The following PICALM variants were observed in gnomAD, a reference collection of about 807,000 sequenced individuals.
PICALM encodes the protein phosphatidylinositol binding clathrin assembly protein, also known as phosphatidylinositol-binding clathrin assembly protein.
PICALM carries 40 observed loss-of-function variants against 80.5 expected under a neutral mutation model. The ratio of observed to expected loss-of-function variants is 0.50; its 90% CI spans 0.39 to 0.65. PICALM has a LOEUF of 0.65. Among genes scored for constraint, PICALM ranks in the 30% least tolerant of loss-of-function variants. PICALM has a pLI of 0.00. For missense variants in PICALM, 676 were observed against 778.9 expected (o/e 0.87, Z 1.57); for synonymous variants, 288 against 260.3 (o/e 1.11, Z -1.02).
chr11:86,056,834 A>G (rs2096276966), intron 1 of PICALM, among the ~76,000 whole-genome samples: 1 of 152,242 alleles, frequency 6.6e-6, no homozygotes, highest in Non-Finnish European at 1.5e-5. Flanking sequence ...AGTATTACTC[A>G]CCTATAAAAA....
intron 1 of PICALM, among the ~76,000 whole-genome samples, chr11:86,038,791 G>C (rs749909144): frequency 4.7e-5 from 7 of 149,740 alleles, no homozygotes; most frequent in Non-Finnish European, 8.9e-5. Context: ...AAAAAAAAAA[G>C]GTAAGTCAAA....
At chr11:86,023,473 T>C in intron 3 of PICALM, 1 of 985,250 alleles carries the variant, frequency 1.0e-6, no homozygotes, top group Non-Finnish European at 1.2e-6. Flanking sequence ...TCGGTTCATA[T>C]GGTTCTATCT....
At chr11:86,054,721 T>A (rs1224937791) in intron 1 of PICALM, among the ~76,000 whole-genome samples, 1 of 152,222 alleles carries the variant, frequency 6.6e-6, no homozygotes, top group Non-Finnish European at 1.5e-5. Flanking sequence ...ATTATTAGTT[T>A]GCACATTTTA....
At chr11:85,966,561 G>A (rs1219898814) in intron 19 of PICALM, among the ~76,000 whole-genome samples, 2 of 152,168 alleles carry the variant, frequency 1.3e-5, no homozygotes, top group East Asian at 1.9e-4. Flanking sequence ...GTTACATAGA[G>A]AATTTGCTCT....
At chr11:85,965,511 A>G (rs2093845979) in intron 19 of PICALM, among the ~76,000 whole-genome samples, 1 of 152,202 alleles carries the variant, frequency 6.6e-6, no homozygotes, top group African/African-American at 2.4e-5. Flanking sequence ...TGACCAGGCC[A>G]TTAGTGGTAC....
intron 1 of PICALM, among the ~76,000 whole-genome samples, chr11:86,054,528 C>A (rs1163538062): frequency 6.6e-6 from 1 of 152,132 alleles, no homozygotes; most frequent in African/African-American, 2.4e-5. Flanking sequence ...CACAAACACA[C>A]CATAAAGCGC....
intron 12 of PICALM, among the ~76,000 whole-genome samples, chr11:85,994,633 T>C (rs1282755293): frequency 6.6e-6 from 1 of 152,240 alleles, no homozygotes; most frequent in Non-Finnish European, 1.5e-5. Flanking sequence ...ATGTAAAATG[T>C]TACATATTTA....
At chr11:86,021,537 A>C (rs529580910) in intron 4 of PICALM, among the ~76,000 whole-genome samples, 1 of 152,088 alleles carries the variant, frequency 6.6e-6, no homozygotes, top group South Asian at 2.1e-4. Flanking sequence ...AGAAAATAAC[A>C]AGTATGGCAA....
chr11:86,069,790 C>T (rs2096490089), upstream of PICALM: 2 of 152,286 alleles, frequency 1.3e-5, no homozygotes, highest in Non-Finnish European at 2.9e-5. Flanking sequence ...TATCTCTACT[C>T]CGAAAACCCG....
chr11:86,018,310 A>G (rs1055764313), intron 4 of PICALM, among the ~76,000 whole-genome samples: 2 of 152,214 alleles, frequency 1.3e-5, no homozygotes, highest in Middle Eastern at 3.2e-3. Flanking sequence ...ACTAATATAA[A>G]ATGAACACAT....
intron 19 of PICALM, among the ~76,000 whole-genome samples, chr11:85,966,081 A>C (rs918152892): frequency 6.6e-6 from 1 of 151,994 alleles, no homozygotes. Flanking sequence ...AGCCTCCCAA[A>C]GTGCTGGGAT....
rs1555002813 is a variant in PICALM at position 85,963,943 on chromosome 11, T to TTA, written c.1945-4884_1945-4883insTA. ...GGCTTTTTTTTTTTTTTTTTTTTTT[T>TTA]ATTAAAGTTAAGGTCTTGCAATGTT... On this transcript the variant is annotated intron_variant, in intron 19 of 19. Transcript: ENST00000393346. Among the ~76,000 whole-genome samples, 618 of 146,300 alleles carry TTA rather than the reference T, an allele frequency of 4.2e-3. 4 individuals are homozygous for TTA. Among genetic ancestry groups the TTA allele is most frequent in the South Asian group, 0.015 (66 of 4,526 alleles).
At position 86,032,161 on chromosome 11, in the gene PICALM, CA is replaced by C. The variant is rs796608972; in HGVS notation, c.131-551del. ...ATTGAGTTGGATCTGTTTGTTCATA[CA>C]AAAGATTTATACTCCTTCTCTCCCC... On this transcript the variant is annotated intron_variant, in intron 1 of 19. Coordinates refer to ENST00000393346, the MANE Select transcript of PICALM (RefSeq NM_007166.4). 3.9e-4 allele frequency among the ~76,000 whole-genome samples: 59 copies of C among 152,210 alleles called. 1 individual carries two copies. Among genetic ancestry groups the C allele is most frequent in the African/African-American group, 1.3e-3 (52 of 41,518 alleles).
In PICALM at chr11:86,056,978, G is replaced by C. The variant is rs2096279399; in HGVS notation, c.130+11673C>G. 1.3e-5 allele frequency among the ~76,000 whole-genome samples: 2 copies of C among 152,142 alleles called. 1 individual carries two copies. The highest frequency in any genetic ancestry group is 4.1e-4 in the South Asian group (2 of 4,824). On this transcript the variant is annotated intron_variant, in intron 1 of 19. Coordinates refer to ENST00000393346, the MANE Select transcript of PICALM (RefSeq NM_007166.4). ...TACAGAACAGAAAAATTCATAGATA[G>C]AAAGTGGATTAATGGTTGCAGGGGG...
intron 4 of PICALM, among the ~76,000 whole-genome samples, chr11:86,019,144 T>G (rs2095526905): frequency 6.6e-6 from 1 of 152,188 alleles, no homozygotes; most frequent in South Asian, 2.1e-4. Context: ...AAAAAAAATC[T>G]TAATAAATCA....
intron 19 of PICALM, 147 bp downstream of exon 19, chr11:85,974,557 TCTTA>T: frequency 9.7e-6 from 7 of 723,474 alleles, no homozygotes; most frequent in Non-Finnish European, 1.8e-5. Context: ...TTCCTAAAGC[TCTTA>T]TATAAGAAAG....
chr11:85,980,960 A>G (rs1030475742), intron 17 of PICALM, among the ~76,000 whole-genome samples, 169 bp downstream of exon 17: 2 of 152,254 alleles, frequency 1.3e-5, no homozygotes, highest in African/African-American at 4.8e-5. Flanking sequence ...ACTAAAATGT[A>G]TCTGGTAAAT....
chr11:85,960,982 T>C (rs2093668963), intron 19 of PICALM, among the ~76,000 whole-genome samples: 1 of 146,890 alleles, frequency 6.8e-6, no homozygotes, highest in Middle Eastern at 3.7e-3. Flanking sequence ...CATGTGTTTT[T>C]CAGAAAACAA....
chr11:86,035,962 A>G (rs12273211), intron 1 of PICALM, among the ~76,000 whole-genome samples: 10 of 150,432 alleles, frequency 6.6e-5, no homozygotes, highest in African/African-American at 2.0e-4. Context: ...AAAAAAAAAA[A>G]AAAGAAAAAA....
Sources: allele counts gnomAD v4.1 joint callset (sites outside exome capture counted in the v4.1 genomes callset), GRCh38; gene constraint gnomAD v4.1.1; transcripts MANE v1.5; gene names NCBI Gene and HGNC (gene_info 2026-07-23, HGNC 2026-07-21).